The following ACTR3 variants were observed in gnomAD, a reference collection of about 807,000 sequenced individuals.
The protein encoded by ACTR3 is actin-related protein 3.
Under a neutral mutation model 56.8 loss-of-function variants are expected in ACTR3, and 12 were observed. The ratio of observed to expected loss-of-function variants is 0.21; its 90% CI spans 0.14 to 0.34. The LOEUF (loss-of-function observed/expected upper bound fraction) is 0.34. Ranked by LOEUF, ACTR3 falls within the 10% of genes least tolerant of loss-of-function variation. The pLI is 1.00. For missense variants in ACTR3, 282 were observed against 512.5 expected (o/e 0.55, Z 4.34); for synonymous variants, 162 against 167.4 (o/e 0.97, Z 0.25).
chr2:113,962,102 G>A lies in ACTR3; in HGVS notation c.*4647G>A, dbSNP rs769663320. 4.0e-5 allele frequency: 6 copies of A among 151,840 alleles called. No homozygotes were observed. The highest frequency in any genetic ancestry group is 9.7e-5 in the African/African-American group (4 of 41,366). The allele number at this position is 151,840 out of a possible 1,614,324, so 9.4% of individuals were successfully genotyped here. A position where few individuals can be genotyped will look rare whatever the true frequency, so the allele number is the denominator to read the frequency against. ...TGAATTACATGAGTATACAACTTTT[G>A]TTCCTTCAAAATACCCATATTTGTC... is the stretch of plus-strand genomic sequence containing the variant. On this transcript the variant is annotated 3_prime_UTR_variant, in exon 12 of 12. Coordinates refer to ENST00000263238, the MANE Select transcript of ACTR3 (RefSeq NM_005721.5).
chr2:113,896,018 G>C (rs1679001182), intron 1 of ACTR3, among the ~76,000 whole-genome samples: 1 of 152,072 alleles, frequency 6.6e-6, no homozygotes, highest in Non-Finnish European at 1.5e-5. Flanking sequence ...GCCACCATGT[G>C]TGGCTACTTT....
At chr2:113,896,177 G>A (rs574357183) in intron 1 of ACTR3, among the ~76,000 whole-genome samples, 37 of 152,152 alleles carry the variant, frequency 2.4e-4, no homozygotes, top group African/African-American at 8.2e-4. Flanking sequence ...GTTTTGTTCT[G>A]TTTTTTGATA....
upstream of ACTR3, chr2:113,890,075 G>A (rs1215461177): frequency 4.8e-6 from 3 of 619,388 alleles, no homozygotes; most frequent in African/African-American, 3.7e-5. Flanking sequence ...GGCGGGGACT[G>A]CCTGCCTGCC....
intron 1 of ACTR3, among the ~76,000 whole-genome samples, chr2:113,911,119 T>C (rs1267781637): frequency 6.6e-6 from 1 of 152,130 alleles, no homozygotes; most frequent in Non-Finnish European, 1.5e-5. Context: ...TCTAATGTAG[T>C]AGGAGCAGTG....
At chr2:113,929,260 G>A (rs1033639306) in intron 4 of ACTR3, among the ~76,000 whole-genome samples, 1 of 151,904 alleles carries the variant, frequency 6.6e-6, no homozygotes, top group Non-Finnish European at 1.5e-5. Flanking sequence ...TCCCAGCTCA[G>A]ATTCCTGAGT....
intron 3 of ACTR3, among the ~76,000 whole-genome samples, chr2:113,926,565 C>T (rs1010278058): frequency 1.3e-5 from 2 of 152,178 alleles, no homozygotes; most frequent in Non-Finnish European, 2.9e-5. Context: ...GTAAGGACCT[C>T]ATGCTGCTTC....
At chr2:113,941,201 C>T (rs1471175812) in intron 7 of ACTR3, among the ~76,000 whole-genome samples, 2 of 151,986 alleles carry the variant, frequency 1.3e-5, no homozygotes, top group African/African-American at 4.8e-5. Context: ...AAATGACTAC[C>T]AAAAGTTACC....
chr2:113,943,133 C>T (rs1305768538), intron 8 of ACTR3, among the ~76,000 whole-genome samples: 1 of 152,142 alleles, frequency 6.6e-6, no homozygotes, highest in Non-Finnish European at 1.5e-5. Context: ...GTTATAGTTG[C>T]TTTAATGAGT....
rs1318854014 is a variant in ACTR3 at position 113,959,672 on chromosome 2, A to G, written c.*2217A>G. On this transcript the variant is annotated 3_prime_UTR_variant, in exon 12 of 12. Coordinates refer to ENST00000263238, the MANE Select transcript of ACTR3 (RefSeq NM_005721.5). ...GGTAGCAGCATTCTTGTTTCTTTAT[A>G]TCTCTCCTCTGTGATTGTATACCGT... 1 of 151,954 alleles carries G rather than the reference A, an allele frequency of 6.6e-6. No individual in the cohort carries two copies. Among genetic ancestry groups the G allele is most frequent in the Non-Finnish European group, 1.5e-5 (1 of 67,898 alleles). 9.4% of individuals were successfully genotyped at this position (151,954 alleles called of 1,614,324 possible).
intron 6 of ACTR3, among the ~76,000 whole-genome samples, chr2:113,938,228 C>T (rs1255839332): frequency 2.0e-5 from 3 of 152,002 alleles, no homozygotes; most frequent in Non-Finnish European, 4.4e-5. Context: ...CTCTCTTCCT[C>T]ATCCTCATTG....
intron 3 of ACTR3, among the ~76,000 whole-genome samples, chr2:113,917,758 TA>T (rs1679433635): frequency 6.6e-6 from 1 of 152,096 alleles, no homozygotes; most frequent in Non-Finnish European, 1.5e-5. Flanking sequence ...AAATGGTGTA[TA>T]AAAAAATTTC....
chr2:113,935,200 G>T (rs1326254195), intron 6 of ACTR3, among the ~76,000 whole-genome samples: 2 of 152,062 alleles, frequency 1.3e-5, no homozygotes, highest in Non-Finnish European at 1.5e-5. Context: ...ATTGTTTAAC[G>T]ATAGCTTAAG....
intron 3 of ACTR3, among the ~76,000 whole-genome samples, chr2:113,919,982 G>A (rs1268979189): frequency 6.6e-6 from 1 of 152,288 alleles, no homozygotes; most frequent in East Asian, 1.9e-4. Context: ...GGAGTGCAGT[G>A]GCGTGATCTC....
At chr2:113,924,713 A>G (rs1296960895) in intron 3 of ACTR3, among the ~76,000 whole-genome samples, 1 of 151,962 alleles carries the variant, frequency 6.6e-6, no homozygotes, top group African/African-American at 2.4e-5. Flanking sequence ...TATACCATGC[A>G]GTGTTTGTCT....
At chr2:113,943,929 G>A (rs1291273213) in intron 8 of ACTR3, among the ~76,000 whole-genome samples, 1 of 152,160 alleles carries the variant, frequency 6.6e-6, no homozygotes. Context: ...TAGGGCCTTC[G>A]TGAACACAGA....
intron 3 of ACTR3, among the ~76,000 whole-genome samples, chr2:113,924,500 A>G (rs995503462): frequency 1.3e-5 from 2 of 152,150 alleles, no homozygotes; most frequent in Non-Finnish European, 2.9e-5. Flanking sequence ...TGCTGCTATA[A>G]TAGTCTTCCT....
At chr2:113,955,743 C>T (rs1213294040) in intron 11 of ACTR3, 37 bp downstream of exon 11, 1 of 1,497,334 alleles carries the variant, frequency 6.7e-7, no homozygotes, top group Non-Finnish European at 9.2e-7. Flanking sequence ...TTTATTTTAT[C>T]ATTATTATTT....
chr2:113,947,894 C>A (rs772488205), intron 8 of ACTR3, among the ~76,000 whole-genome samples: 30 of 151,894 alleles, frequency 2.0e-4, no homozygotes, highest in Non-Finnish European at 3.8e-4. Flanking sequence ...CTATGAGAAA[C>A]CTGTTTCTCT....
intron 7 of ACTR3, among the ~76,000 whole-genome samples, chr2:113,941,476 G>T (rs75206302): frequency 0.012 from 1,775 of 152,024 alleles, 12 homozygotes; most frequent in Non-Finnish European, 0.018. Flanking sequence ...TGTGTATTTT[G>T]ATTATTACTG....
Sources: allele counts gnomAD v4.1 joint callset (sites outside exome capture counted in the v4.1 genomes callset), GRCh38; gene constraint gnomAD v4.1.1; transcripts MANE v1.5; gene names NCBI Gene and HGNC (gene_info 2026-07-23, HGNC 2026-07-21).